The following FGFR1 variants were observed in gnomAD, a reference collection of about 807,000 sequenced individuals.
FGFR1 encodes the protein FGFR1/PLAG1 fusion.
Under a neutral mutation model 93.7 loss-of-function variants are expected in FGFR1, and 18 were observed. The observed-to-expected ratio is 0.19, with a 90% confidence interval of 0.13 to 0.28. The LOEUF (loss-of-function observed/expected upper bound fraction) is 0.28. Ranked by LOEUF, FGFR1 falls within the 10% of genes least tolerant of loss-of-function variation. The probability of loss-of-function intolerance (pLI) is 1.00; values close to 1 mark genes in which losing one functional copy is unlikely to be tolerated. For synonymous variants in FGFR1, 448 were observed against 429.3 expected (o/e 1.04, Z -0.54); for missense variants, 731 against 1,080.4 (o/e 0.68, Z 4.53).
rs1026635393 is a variant in FGFR1 at position 38,413,492 on chromosome 8, C to G, written c.*136G>C. The G allele has an allele frequency of 1.1e-6, 1 of 941,768 alleles. No individual in the cohort carries two copies. The highest frequency in any genetic ancestry group is 1.7e-5 in the African/African-American group (1 of 60,386). 58.3% of individuals were successfully genotyped at this position (941,768 alleles called of 1,614,324 possible). Reference sequence around the variant, plus strand: ...CTGAGTGGGGTGAAGGCAGGCCACACAGGAAGGCCCCTGGTAGGCAGCCGG... The same window carrying G: ...CTGAGTGGGGTGAAGGCAGGCCACAGAGGAAGGCCCCTGGTAGGCAGCCGG... On this transcript the variant is annotated 3_prime_UTR_variant, in exon 18 of 18. Transcript: ENST00000447712. The surrounding 1 kb of genome is among the most constrained non-coding windows in gnomAD (Gnocchi z 4.2).
At chr8:38,437,170 C>T (rs1825738914) in intron 2 of FGFR1, among the ~76,000 whole-genome samples, 1 of 152,124 alleles carries the variant, frequency 6.6e-6, no homozygotes, top group African/African-American at 2.4e-5. Flanking sequence ...TGTCTTCCAC[C>T]AGTCATGGGA....
rs2151510001 is a variant in FGFR1, at chr8:38,468,634, G to T, written c.-742C>A. 8.6e-6 allele frequency: 2 copies of T among 231,298 alleles called. No homozygotes were observed. The highest frequency in any genetic ancestry group is 1.2e-4 in the East Asian group (2 of 16,498). The allele number at this position is 231,298 out of a possible 1,614,324, so 14.3% of individuals were successfully genotyped here. A position where few individuals can be genotyped will look rare whatever the true frequency, so the allele number is the denominator to read the frequency against. ...GCCGCAAGAGCGCTCCGAGCGCTATGCGCCGGCGGGGCGCGAGGGCTCGCT... is the reference window on the plus strand; with the variant it reads ...GCCGCAAGAGCGCTCCGAGCGCTATTCGCCGGCGGGGCGCGAGGGCTCGCT... On this transcript the variant is annotated 5_prime_UTR_variant, in exon 1 of 18. Transcript: ENST00000447712.
chr8:38,439,536 G>A (rs1400423889), intron 2 of FGFR1, among the ~76,000 whole-genome samples: 1 of 152,066 alleles, frequency 6.6e-6, no homozygotes, highest in Admixed American at 6.6e-5. Context: ...CAAGGGTCCC[G>A]GCTTTCAAGT....
At chr8:38,444,598 G>C (rs996043693) in intron 2 of FGFR1, among the ~76,000 whole-genome samples, 1 of 134,640 alleles carries the variant, frequency 7.4e-6, no homozygotes, top group Non-Finnish European at 1.6e-5. Context: ...TACCATGTTG[G>C]CCAGGCTGGT....
At chr8:38,449,561 C>G (rs762928189) in intron 2 of FGFR1, among the ~76,000 whole-genome samples, 12 of 152,226 alleles carry the variant, frequency 7.9e-5, no homozygotes, top group Non-Finnish European at 1.6e-4. Context: ...CTCGTAACCA[C>G]TAAGTCTACT....
chr8:38,418,057 C>CA, intron 10 of FGFR1, 66 bp from the exon 11 acceptor site: 1 of 1,611,492 alleles, frequency 6.2e-7, no homozygotes, highest in Non-Finnish European at 8.5e-7. Flanking sequence ...AGAGGCACCC[C>CA]ATCTCCACCT....
chr8:38,467,008 GCC>G (rs1214706596), intron 1 of FGFR1, among the ~76,000 whole-genome samples: 2 of 151,622 alleles, frequency 1.3e-5, no homozygotes, highest in Non-Finnish European at 1.5e-5. Context: ...ATGGGTCGTA[GCC>G]TCACTTTTCT....
In FGFR1 at chr8:38,457,427, A is replaced by T. The variant is rs532741632; in HGVS notation, c.20T>A (p.Leu7His). 1 of 1,613,966 alleles carries T rather than the reference A, an allele frequency of 6.2e-7. No homozygotes were observed. Among genetic ancestry groups the T allele is most frequent in the Middle Eastern group, 1.6e-4 (1 of 6,062 alleles). Reference protein sequence around the residue: MWSWKCLLFWAVLVTAT... With the variant: MWSWKCHLFWAVLVTAT... ...TGTGACCAGCACAGCCCAGAAGAGG[A>T]GGCACTTCCAGCTCCACATCCCAGT... Residue 7 changes from leucine to histidine, a missense_variant, in exon 2 of 18, where the codon CTC becomes CAC. Physicochemically the swap from Leu to His is moderately conservative, Grantham distance 99 (BLOSUM62 -3). This residue lies in a region of FGFR1 where 212 missense variants were observed against 205.8 expected (regional missense o/e 1.03). Coordinates refer to ENST00000447712, the MANE Select transcript of FGFR1 (RefSeq NM_023110.3).
At chr8:38,454,083 C>T (rs1309373342) in intron 2 of FGFR1, among the ~76,000 whole-genome samples, 1 of 151,952 alleles carries the variant, frequency 6.6e-6, no homozygotes, top group African/African-American at 2.4e-5. Context: ...TCCTAAGAGC[C>T]CCATCCACCT....
At chr8:38,436,486 T>C (rs1368806508) in intron 2 of FGFR1, among the ~76,000 whole-genome samples, 1 of 152,152 alleles carries the variant, frequency 6.6e-6, no homozygotes, top group East Asian at 1.9e-4. Context: ...AGGGTTTGCC[T>C]TGAACATCGT....
At chr8:38,446,456 C>G (rs572959602) in intron 2 of FGFR1, among the ~76,000 whole-genome samples, 2 of 151,738 alleles carry the variant, frequency 1.3e-5, no homozygotes, top group African/African-American at 4.8e-5. Flanking sequence ...GGCAATCAGC[C>G]CACCTTGGCC....
intron 2 of FGFR1, among the ~76,000 whole-genome samples, chr8:38,442,306 C>T (rs1453184745): frequency 1.3e-5 from 2 of 151,582 alleles, no homozygotes; most frequent in African/African-American, 4.9e-5. Context: ...AAGTCCAACT[C>T]GTCATCACCT....
intron 1 of FGFR1, among the ~76,000 whole-genome samples, chr8:38,458,060 T>C (rs1833372622): frequency 6.6e-6 from 1 of 152,190 alleles, no homozygotes; most frequent in South Asian, 2.1e-4. Context: ...GAGTGCAGAT[T>C]ACGTGCAAGC....
chr8:38,450,845 G>A (rs555054718), intron 2 of FGFR1, among the ~76,000 whole-genome samples: 12 of 152,322 alleles, frequency 7.9e-5, no homozygotes, highest in African/African-American at 1.4e-4. Flanking sequence ...TGCAGAAGCC[G>A]GAGCCAAGAA....
chr8:38,434,145 T>C (rs1453242059), intron 2 of FGFR1, among the ~76,000 whole-genome samples: 1 of 152,220 alleles, frequency 6.6e-6, no homozygotes, highest in African/African-American at 2.4e-5. Flanking sequence ...ACATACCACA[T>C]TGCAGTCATC....
chr8:38,424,390 T>C lies in FGFR1; in HGVS notation c.936+119A>G, dbSNP rs1305680482. 2 of 1,059,676 alleles carry C rather than the reference T, an allele frequency of 1.9e-6. No individual in the cohort carries two copies. Among genetic ancestry groups the C allele is most frequent in the Non-Finnish European group, 2.9e-6 (2 of 687,116 alleles). 65.6% of individuals were successfully genotyped at this position (1,059,676 alleles called of 1,614,324 possible). A position where few individuals can be genotyped will look rare whatever the true frequency, so the allele number is the denominator to read the frequency against. ...CCTACTGAGATGGAGTGTGTGTGCC[T>C]GAAGCGTGAGGAATGATCCCATTCG... On this transcript the variant is annotated intron_variant, in intron 7 of 17. Transcript: ENST00000447712. This position sits in a 1 kb window ranked among gnomAD's most constrained non-coding sequence, Gnocchi z 4.3.
At position 38,426,103 on chromosome 8, in the gene FGFR1, G is replaced by A. The variant is rs527246738; in HGVS notation, c.745+19C>T. ...TCTTCCCACTAAACTCATTCCTCCT[G>A]CTGCCTCTGCCCTCTTACCCACGAC... On this transcript the variant is annotated intron_variant, in intron 6 of 17. Coordinates refer to ENST00000447712, the MANE Select transcript of FGFR1 (RefSeq NM_023110.3). This position sits in a 1 kb window ranked among gnomAD's most constrained non-coding sequence, Gnocchi z 4.1. 6.2e-7 allele frequency: 1 copy of A among 1,613,914 alleles called. No homozygotes were observed. The highest frequency in any genetic ancestry group is 8.5e-7 in the Non-Finnish European group (1 of 1,179,956).
At chr8:38,459,386 C>T (rs972561535) in intron 1 of FGFR1, among the ~76,000 whole-genome samples, 1 of 152,156 alleles carries the variant, frequency 6.6e-6, no homozygotes, top group Non-Finnish European at 1.5e-5. Context: ...GCTTGGCCAG[C>T]GGGATACACA....
chr8:38,414,721 C>T, intron 14 of FGFR1, 58 bp downstream of exon 14: 1 of 1,613,544 alleles, frequency 6.2e-7, no homozygotes, highest in Non-Finnish European at 8.5e-7. Flanking sequence ...CTCAGCCCAC[C>T]CCACTCCTTG....
Sources: allele counts gnomAD v4.1 joint callset (sites outside exome capture counted in the v4.1 genomes callset), GRCh38; gene constraint gnomAD v4.1.1; regional missense constraint gnomAD v4.1.1; non-coding constraint Gnocchi (gnomAD v3.1); transcripts MANE v1.5; gene names NCBI Gene and HGNC (gene_info 2026-07-23, HGNC 2026-07-21).